The following FASTKD2 variants were observed in gnomAD, a reference collection of about 807,000 sequenced individuals.
FASTKD2 encodes the protein FAST kinase domain-containing protein 2, mitochondrial.
A neutral mutation model predicts 63.6 loss-of-function variants in FASTKD2; 51 were observed. That is an observed-to-expected ratio of 0.80 (90% CI 0.64 to 1.01). The LOEUF (loss-of-function observed/expected upper bound fraction) is 1.01. FASTKD2 is among the 50% of genes least tolerant of loss of function. The probability of loss-of-function intolerance (pLI) is 0.00; values close to 1 mark genes in which losing one functional copy is unlikely to be tolerated. For missense variants in FASTKD2, 786 were observed against 831.1 expected, an observed-to-expected ratio of 0.95 and a Z score of 0.67; for synonymous variants, 284 against 293.4, an observed-to-expected ratio of 0.97 and a Z score of 0.33.
At chr2:206,774,990 G>T (rs1379469399) in intron 7 of FASTKD2, among the ~76,000 whole-genome samples, 2 of 151,996 alleles carry the variant, frequency 1.3e-5, no homozygotes, top group Non-Finnish European at 2.9e-5. Flanking sequence ...TATAAGTGGA[G>T]TCATGCGGTA....
chr2:206,772,673 C>T (rs12475891), intron 6 of FASTKD2, among the ~76,000 whole-genome samples: 18,730 of 152,142 alleles, frequency 0.12, 1,704 homozygotes, highest in African/African-American at 0.26. Context: ...GGCAGCAAGT[C>T]GCAGCTCCCA....
chr2:206,790,828 CT>C (rs1690266036), intron 11 of FASTKD2, 142 bp downstream of exon 11: 1 of 683,266 alleles, frequency 1.5e-6, no homozygotes, highest in Non-Finnish European at 2.7e-6. Context: ...TTACTGTTTT[CT>C]TTGAAAAAGA....
chr2:206,784,589 A>C (rs60652129), intron 7 of FASTKD2, among the ~76,000 whole-genome samples: 7,647 of 151,998 alleles, frequency 0.05, 211 homozygotes, highest in Non-Finnish European at 0.062. Context: ...TGTATTTACC[A>C]CCTTATGGAT....
At chr2:206,790,899 T>C in intron 11 of FASTKD2, 1 of 532,388 alleles carries the variant, frequency 1.9e-6, no homozygotes, top group Non-Finnish European at 3.4e-6. Flanking sequence ...CTAGAGCTTT[T>C]ACAAATGTTG....
Position 206,766,911 on chromosome 2 carries a change from T to G in FASTKD2, c.218T>G (p.Ile73Ser). The G allele has an allele frequency of 6.3e-7, 1 of 1,598,122 alleles. No homozygotes were observed. The highest frequency in any genetic ancestry group is 8.5e-7 in the Non-Finnish European group (1 of 1,171,100). The change falls in exon 2 of 12, where the codon ATC (isoleucine) becomes AGC (serine). Residue 73 changes from isoleucine (I) to serine (S), a missense_variant. By Grantham distance (142) the Ile-to-Ser change is moderately radical. Transcript: ENST00000402774. ...NFHNRMQSTD[I>S]IRYLFQDAFI... ...CATAACAGAATGCAATCAACTGATA[T>G]CATTAGATATCTCTTTCAGGATGCA...
intron 7 of FASTKD2, among the ~76,000 whole-genome samples, chr2:206,779,995 TTCC>T (rs1689927830): frequency 6.6e-6 from 1 of 152,222 alleles, no homozygotes; most frequent in Non-Finnish European, 1.5e-5. Flanking sequence ...ACAACTTAAC[TTCC>T]ATTGCATACA....
At chr2:206,788,472 G>A (rs143821839) in intron 9 of FASTKD2, among the ~76,000 whole-genome samples, 7 of 152,142 alleles carry the variant, frequency 4.6e-5, no homozygotes, top group East Asian at 1.9e-4. Flanking sequence ...GGTGGCACAC[G>A]CCTGTAATCC....
chr2:206,787,944 G>T lies in FASTKD2; in HGVS notation c.1602G>T (p.Met534Ile). The change falls in exon 9 of 12, where the codon ATG becomes ATT. Residue 534 changes from methionine to isoleucine, a missense_variant. Physicochemically the swap from Met to Ile is conservative, Grantham distance 10. Coordinates refer to ENST00000402774, the MANE Select transcript of FASTKD2 (RefSeq NM_001136193.2). ...IISELLTSDD[M>I]KNAYKLHTLD... ...CTCTTTTTCATCTTTTAGATGACAT[G>T]AAGAATGCTTACAAGCTGCATACTT... The T allele has an allele frequency of 2.5e-6, 4 of 1,593,510 alleles. No individual in the cohort carries two copies. The highest frequency in any genetic ancestry group is 3.4e-6 in the Non-Finnish European group (4 of 1,161,872).
rs1690388371 is a variant in FASTKD2, at chr2:206,794,487, TG to T, written c.*2686del. Among the ~76,000 whole-genome samples the T allele has an allele frequency of 6.6e-6, 1 of 152,204 alleles. No homozygotes were observed. Among genetic ancestry groups the T allele is most frequent in the African/African-American group, 2.4e-5 (1 of 41,462 alleles). On this transcript the variant is annotated 3_prime_UTR_variant, in exon 12 of 12. Transcript: ENST00000402774. ...AACTCCTGGGCTCAAGGGATCCTCC[TG>T]CCTCAGCTTCTCAAGTAGATAGGAC... is the stretch of plus-strand genomic sequence containing the variant.
chr2:206,793,220 C>CAAAAAAAAAAAAAA lies in FASTKD2; in HGVS notation c.*1436_*1449dup, dbSNP rs58656956. Among the ~76,000 whole-genome samples, 11 of 65,824 alleles carry CAAAAAAAAAAAAAA rather than the reference C, an allele frequency of 1.7e-4. No homozygotes were observed. Among genetic ancestry groups the CAAAAAAAAAAAAAA allele is most frequent in the East Asian group, 8.6e-4 (1 of 1,162 alleles). 43.2% of individuals were successfully genotyped at this position (65,824 alleles called of 152,430 possible). ...CTGACCACAGAGCGAGACTCTGTCT[C>CAAAAAAAAAAAAAA]AAAAAAAAAAAAAAAAAAAAAAAAA... On this transcript the variant is annotated 3_prime_UTR_variant, in exon 12 of 12. Transcript: ENST00000402774.
At chr2:206,782,886 AT>A (rs1029115912) in intron 7 of FASTKD2, among the ~76,000 whole-genome samples, 12 of 152,138 alleles carry the variant, frequency 7.9e-5, no homozygotes, top group Non-Finnish European at 1.5e-4. Context: ...TAATTTTTAG[AT>A]TTGAAAAAAA....
At position 206,774,299 on chromosome 2, in the gene FASTKD2, A is replaced by T. The variant is rs1439196851; in HGVS notation, c.1329A>T (p.Arg443Ser). 6.2e-7 allele frequency: 1 copy of T among 1,607,206 alleles called. No individual in the cohort carries two copies. The highest frequency in any genetic ancestry group is 1.3e-5 in the African/African-American group (1 of 74,784). The change falls in exon 7 of 12, where the codon AGA (arginine) becomes AGT (serine). Residue 443 changes from arginine (R) to serine (S), a missense_variant. Transcript: ENST00000402774. ...GTTTAATGGACCTGTTTATGAAGAG[A>T]ATAGTAGAGGATCCTGAATCCCTAA... The part of the protein sequence containing the change: ...PVGLMDLFMK[R>S]IVEDPESLNM...
intron 6 of FASTKD2, among the ~76,000 whole-genome samples, chr2:206,773,337 A>AT (rs1689740578): frequency 6.7e-6 from 1 of 149,102 alleles, no homozygotes; most frequent in Non-Finnish European, 1.5e-5. Context: ...AAAAAAAAAA[A>AT]GGGTTGTATG....
chr2:206,772,321 G>C lies in FASTKD2; in HGVS notation c.1254+1G>C. On this transcript the variant is annotated splice_donor_variant, in intron 6 of 11. Transcript: ENST00000402774. LOFTEE classifies it high-confidence loss of function. ...TTTCGACATCTGGAAGTTCAGAAAA[G>C]TGAGTACATTAACAATTTAGAATAA... The C allele has an allele frequency of 6.2e-7, 1 of 1,613,728 alleles. No homozygotes were observed. Among genetic ancestry groups the C allele is most frequent in the Non-Finnish European group, 8.5e-7 (1 of 1,179,658 alleles).
At chr2:206,781,418 C>T (rs754183064) in intron 7 of FASTKD2, among the ~76,000 whole-genome samples, 1 of 139,920 alleles carries the variant, frequency 7.1e-6, no homozygotes. Flanking sequence ...CAGGTTCAAG[C>T]GATTCTCCTG....
At position 206,766,994 on chromosome 2, in the gene FASTKD2, C is replaced by G. The variant is rs984543218; in HGVS notation, c.301C>G (p.Leu101Val). ...AAAGGGCATAAGCACTCTAACAGCC[C>G]TTAGAATTGAAAGACTACTTTATGC... ...QTKGISTLTALRIERLLYAKR... is the reference protein window; with the variant it reads ...QTKGISTLTAVRIERLLYAKR... Residue 101 changes from leucine (L) to valine (V), a missense_variant, in exon 2 of 12, where the codon CTT becomes GTT. Coordinates refer to ENST00000402774, the MANE Select transcript of FASTKD2 (RefSeq NM_001136193.2). 1.6e-5 allele frequency: 26 copies of G among 1,613,066 alleles called. No homozygotes were observed. Among genetic ancestry groups the G allele is most frequent in the Non-Finnish European group, 2.1e-5 (25 of 1,179,248 alleles).
chr2:206,772,142 C>G (rs1689700232), intron 5 of FASTKD2, 39 bp from the exon 6 acceptor site: 2 of 1,597,846 alleles, frequency 1.3e-6, no homozygotes, highest in Admixed American at 1.7e-5. Context: ...TCAAAACAAT[C>G]AGGTAATTTT....
chr2:206,769,589 A>G (rs905326831), intron 2 of FASTKD2, among the ~76,000 whole-genome samples: 19 of 152,230 alleles, frequency 1.2e-4, no homozygotes, highest in African/African-American at 4.3e-4. Context: ...ATGTGGCAGG[A>G]GATGTGAATC....
intron 3 of FASTKD2, among the ~76,000 whole-genome samples, chr2:206,770,661 C>T (rs1190310594): frequency 6.8e-6 from 1 of 146,540 alleles, no homozygotes; most frequent in African/African-American, 2.6e-5. Context: ...ACCCAGGAGG[C>T]AGAGCTTGCA....
Sources: allele counts gnomAD v4.1 joint callset (sites outside exome capture counted in the v4.1 genomes callset), GRCh38; gene constraint gnomAD v4.1.1; transcripts MANE v1.5; gene names NCBI Gene and HGNC (gene_info 2026-07-23, HGNC 2026-07-21).